KCNN1: variants seen among roughly 807,000 people sequenced by gnomAD.
The protein encoded by KCNN1 is small conductance calcium-activated potassium channel protein 1.
KCNN1 carries 20 observed loss-of-function variants against 44.7 expected under a neutral mutation model. The ratio of observed to expected loss-of-function variants is 0.45; its 90% CI spans 0.32 to 0.65. KCNN1 has a LOEUF of 0.65. Ranked by LOEUF, KCNN1 falls within the 30% of genes least tolerant of loss-of-function variation. The pLI, the probability that KCNN1 is intolerant of heterozygous loss-of-function variation, is 0.05. For synonymous variants in KCNN1, 324 were observed against 341.7 expected (o/e 0.95, Z 0.57); for missense variants, 632 against 785.3 (o/e 0.80, Z 2.33).
At chr19:17,967,987 A>G (rs2031875311) in intron 1 of KCNN1, among the ~76,000 whole-genome samples, 1 of 150,782 alleles carries the variant, frequency 6.6e-6, no homozygotes, top group Non-Finnish European at 1.5e-5. Context: ...GCCTTGCTGC[A>G]CTGGCTCCTG....
In KCNN1 at chr19:17,998,139, C is replaced by CT; in HGVS notation, c.1378-12dup. ...AGCGGCGCCTCTCTCCTGCCCCTCT[C>CT]TGTCTCCCGCAGACCCAGACCGTCA... On this transcript the variant is annotated splice_polypyrimidine_tract_variant and intron_variant, in intron 9 of 9. Coordinates refer to ENST00000684775, the MANE Select transcript of KCNN1 (RefSeq NM_001386974.1). This position sits in a 1 kb window ranked among gnomAD's most constrained non-coding sequence, Gnocchi z 5.4. 1 of 1,572,294 alleles carries CT rather than the reference C, an allele frequency of 6.4e-7. No individual in the cohort carries two copies. Among genetic ancestry groups the CT allele is most frequent in the Non-Finnish European group, 8.6e-7 (1 of 1,159,100 alleles).
upstream of KCNN1, among the ~76,000 whole-genome samples, chr19:17,965,653 C>T (rs1485939187): frequency 6.6e-6 from 1 of 152,078 alleles, no homozygotes; most frequent in African/African-American, 2.4e-5. Context: ...AAACCCGCCC[C>T]TTCGGAGTCC....
Position 17,998,401 on chromosome 19 carries a change from G to A in KCNN1, c.1627G>A (p.Gly543Arg), listed in dbSNP as rs774998627. The change falls in exon 10 of 10, where the codon GGG becomes AGG. Residue 543 changes from glycine to arginine, a missense_variant. Physicochemically the swap from Gly to Arg is moderately radical, Grantham distance 125 (BLOSUM62 -2). This residue lies in a region of KCNN1 where 237 missense variants were observed against 253.0 expected (regional missense o/e 0.94). Coordinates refer to ENST00000684775, the MANE Select transcript of KCNN1 (RefSeq NM_001386974.1). This position sits in a 1 kb window ranked among gnomAD's most constrained non-coding sequence, Gnocchi z 5.4. ...GACGCCCGTGGCCCCCTCGGACTGC[G>A]GGTGACGGCCCTGCCCGCCACCAGA... ...RWTPVAPSDC[G>R] The A allele has an allele frequency of 3.2e-5, 47 of 1,473,628 alleles. No homozygotes were observed. The South Asian group carries it at 4.3e-4, about 13-fold the overall frequency. The allele number at this position is 1,473,628 out of a possible 1,614,324, so 91.3% of individuals were successfully genotyped here. A position where few individuals can be genotyped will look rare whatever the true frequency, so the allele number is the denominator to read the frequency against.
At chr19:17,986,532 TC>T (rs1413527182) in intron 5 of KCNN1, among the ~76,000 whole-genome samples, 1 of 152,140 alleles carries the variant, frequency 6.6e-6, no homozygotes, top group African/African-American at 2.4e-5. Context: ...CCTGTGAACA[TC>T]CTTTCACACT....
intron 1 of KCNN1, among the ~76,000 whole-genome samples, chr19:17,969,212 GC>G (rs1599351831): frequency 6.6e-6 from 1 of 152,112 alleles, no homozygotes; most frequent in East Asian, 1.9e-4. Flanking sequence ...CAAGCTAGTG[GC>G]TTCTCGACGG....
At position 17,973,811 on chromosome 19, in the gene KCNN1, A is replaced by G; in HGVS notation, c.-78A>G. On this transcript the variant is annotated 5_prime_UTR_variant, in exon 2 of 10. Transcript: ENST00000684775. ...ATGTCCCTCTGTGCCCTTGCAGGTC[A>G]GTGCAGGAGCCCAGCCGCTGAGCCA... 2 of 1,513,652 alleles carry G rather than the reference A, an allele frequency of 1.3e-6. No individual in the cohort carries two copies. The highest frequency in any genetic ancestry group is 1.8e-6 in the Non-Finnish European group (2 of 1,137,288). The allele number at this position is 1,513,652 out of a possible 1,614,324, so 93.8% of individuals were successfully genotyped here. A position where few individuals can be genotyped will look rare whatever the true frequency, so the allele number is the denominator to read the frequency against.
chr19:17,982,622 C>T (rs2032456982), intron 4 of KCNN1: 1 of 980,780 alleles, frequency 1.0e-6, no homozygotes, highest in Middle Eastern at 5.3e-4. Context: ...GCAGCCACTG[C>T]CACCGCTGCC....
intron 3 of KCNN1, among the ~76,000 whole-genome samples, chr19:17,979,432 CAAAAAAAAAAA>C (rs35265456): frequency 0.012 from 583 of 48,794 alleles, 7 homozygotes; most frequent in African/African-American, 0.046. Context: ...GACTCCGTCT[CAAAAAAAAAAA>C]AAAAAAAAAA....
chr19:17,955,413 T>G (rs931739786), intron 2 of KCNN1, among the ~76,000 whole-genome samples: 11 of 150,704 alleles, frequency 7.3e-5, no homozygotes, highest in Non-Finnish European at 1.6e-4. Flanking sequence ...AATACAAAAT[T>G]AGCCAGGCAT....
intron 9 of KCNN1, among the ~76,000 whole-genome samples, chr19:17,995,815 A>C (rs2032968096): frequency 6.6e-6 from 1 of 151,754 alleles, no homozygotes; most frequent in African/African-American, 2.4e-5. Context: ...CGAACTCCTG[A>C]CTTCAAGTAA....
At chr19:17,966,059 T>G (rs1382125913), upstream of KCNN1, among the ~76,000 whole-genome samples, 1 of 151,482 alleles carries the variant, frequency 6.6e-6, no homozygotes, top group Non-Finnish European at 1.5e-5. Flanking sequence ...CTTCCTTCCT[T>G]CCTTCCTTCC....
intron 2 of KCNN1, among the ~76,000 whole-genome samples, chr19:17,957,627 A>T (rs1403050011): frequency 6.6e-6 from 1 of 152,054 alleles, no homozygotes; most frequent in Non-Finnish European, 1.5e-5. Flanking sequence ...AACAGTGAGG[A>T]GGCTGCTGTG....
chr19:17,955,036 T>TC (rs1555764005), intron 2 of KCNN1, among the ~76,000 whole-genome samples: 2 of 83,602 alleles, frequency 2.4e-5, no homozygotes, highest in African/African-American at 8.1e-5. Flanking sequence ...AAGCTCTGTT[T>TC]CAAAAAAAAA....
intron 3 of KCNN1, 128 bp downstream of exon 3, chr19:17,975,315 A>G: frequency 1.6e-6 from 1 of 627,634 alleles, no homozygotes; most frequent in Non-Finnish European, 2.8e-6. Context: ...TAGAAAAAAG[A>G]TCTCCATAAA....
Position 17,985,561 on chromosome 19 carries a change from G to C in KCNN1, c.1059+108G>C, listed in dbSNP as rs141750337. 1,109 of 1,021,914 alleles carry C rather than the reference G, an allele frequency of 1.1e-3. 7 individuals are homozygous for C. In the African/African-American group the frequency reaches 0.013, roughly 12 times the overall value. 63.3% of individuals were successfully genotyped at this position (1,021,914 alleles called of 1,614,324 possible). On this transcript the variant is annotated intron_variant, in intron 5 of 9. Coordinates refer to ENST00000684775, the MANE Select transcript of KCNN1 (RefSeq NM_001386974.1). ...CAGGGTGCTCATCCCATCACGAGCT[G>C]TGCCTGATCAGCGTCCCTCCATCTG...
At chr19:17,981,201 C>T (rs1168835891) in intron 3 of KCNN1, among the ~76,000 whole-genome samples, 6 of 151,506 alleles carry the variant, frequency 4.0e-5, no homozygotes, top group Non-Finnish European at 5.9e-5. Context: ...ACCAGGATTG[C>T]GCCACTGCAC....
upstream of KCNN1, among the ~76,000 whole-genome samples, chr19:17,962,931 G>A (rs1248388572): frequency 6.7e-6 from 1 of 150,008 alleles, no homozygotes; most frequent in Non-Finnish European, 1.5e-5. Flanking sequence ...TTGAACTCCT[G>A]ACCTCATGAT....
At chr19:17,979,770 C>A (rs1215788374) in intron 3 of KCNN1, among the ~76,000 whole-genome samples, 1 of 151,876 alleles carries the variant, frequency 6.6e-6, no homozygotes, top group Admixed American at 6.6e-5. Flanking sequence ...CTAGAACGCG[C>A]GGCCGCCACA....
chr19:17,970,805 G>C (rs2031991609), intron 1 of KCNN1, among the ~76,000 whole-genome samples: 2 of 152,292 alleles, frequency 1.3e-5, no homozygotes, highest in Admixed American at 6.5e-5. Flanking sequence ...ACAGTGTGGG[G>C]GGTGCCGGAC....
Sources: gnomAD v4.1 joint callset for allele counts (sites outside exome capture counted in the v4.1 genomes callset) on GRCh38, gnomAD v4.1.1 for gene constraint, gnomAD v4.1.1 regional missense constraint, Gnocchi (gnomAD v3.1) non-coding constraint, MANE v1.5 for transcripts, NCBI Gene and HGNC (gene_info 2026-07-23, HGNC 2026-07-21) for gene names.